SENP7: variants seen among roughly 807,000 people sequenced by gnomAD.
SENP7 encodes the protein sentrin-specific protease 7.
SENP7 carries 64 observed loss-of-function variants against 141.2 expected under a neutral mutation model. That is an observed-to-expected ratio of 0.45 (90% confidence interval 0.37 to 0.56). The LOEUF is 0.56. Ranked by LOEUF, SENP7 falls within the 20% of genes least tolerant of loss-of-function variation. The pLI is 0.00. For synonymous variants in SENP7, 382 were observed against 426.4 expected, an observed-to-expected ratio of 0.90 and a Z score of 1.28; for missense variants, 1,025 against 1,212.2, an observed-to-expected ratio of 0.85 and a Z score of 2.29.
intron 6 of SENP7, among the ~76,000 whole-genome samples, chr3:101,395,772 C>T (rs1214143943): frequency 2.6e-5 from 4 of 152,144 alleles, no homozygotes; most frequent in South Asian, 2.1e-4. Flanking sequence ...ATGGTGATGA[C>T]GATAAGTGGA....
intron 4 of SENP7, among the ~76,000 whole-genome samples, chr3:101,440,581 TAA>T (rs58673443): frequency 8.0e-6 from 1 of 124,898 alleles, no homozygotes. Context: ...AAAAATAAAT[TAA>T]AAAAAAAAAA....
intron 5 of SENP7, among the ~76,000 whole-genome samples, chr3:101,400,315 G>C (rs1056070138): frequency 1.3e-5 from 2 of 152,118 alleles, no homozygotes; most frequent in African/African-American, 2.4e-5. Context: ...GAAAGAGCCA[G>C]AGTACGAGCA....
chr3:101,405,096 T>G (rs1576242931), intron 5 of SENP7, among the ~76,000 whole-genome samples: 1 of 152,078 alleles, frequency 6.6e-6, no homozygotes, highest in Non-Finnish European at 1.5e-5. Context: ...GCTCGCATCG[T>G]GAATTTTTGC....
intron 5 of SENP7, among the ~76,000 whole-genome samples, chr3:101,408,029 A>T (rs183520016): frequency 2.2e-4 from 34 of 152,282 alleles, no homozygotes; most frequent in Admixed American, 2.2e-3. Context: ...TTGATAGACC[A>T]TTAGCAATAT....
intron 6 of SENP7, 23 bp downstream of exon 6, chr3:101,398,838 A>G (rs1277296459): frequency 4.8e-6 from 7 of 1,449,922 alleles, no homozygotes; most frequent in Non-Finnish European, 5.6e-6. Context: ...AATTATTTTG[A>G]GTAAAGTTAT....
intron 12 of SENP7, 59 bp from the exon 13 acceptor site, chr3:101,348,110 A>G: frequency 8.5e-7 from 1 of 1,176,268 alleles, no homozygotes; most frequent in Non-Finnish European, 1.2e-6. Flanking sequence ...TACACCACTT[A>G]AACATTATAT....
intron 12 of SENP7, among the ~76,000 whole-genome samples, chr3:101,350,261 T>G (rs2059579754): frequency 6.6e-6 from 1 of 152,148 alleles, no homozygotes; most frequent in Non-Finnish European, 1.5e-5. Flanking sequence ...TCTGGATTTC[T>G]TCTATGTGAA....
chr3:101,338,341 G>A (rs1468621508), intron 16 of SENP7, among the ~76,000 whole-genome samples: 3 of 152,134 alleles, frequency 2.0e-5, no homozygotes, highest in East Asian at 3.9e-4. Context: ...AAGTGAAATT[G>A]TGACACTGCT....
intron 1 of SENP7, among the ~76,000 whole-genome samples, chr3:101,503,656 G>C (rs1045114477): frequency 2.0e-5 from 3 of 152,184 alleles, no homozygotes; most frequent in African/African-American, 7.2e-5. Context: ...AGTTAAAACA[G>C]TGATGGGGGC....
At position 101,417,748 on chromosome 3, in the gene SENP7, T is replaced by C. The variant is rs1029171668; in HGVS notation, c.327A>G (p.Leu109=). 6 of 1,613,880 alleles carry C rather than the reference T, an allele frequency of 3.7e-6. No individual in the cohort carries two copies. The highest frequency in any genetic ancestry group is 3.3e-5 in the Admixed American group (2 of 60,006). Residue 109 remains leucine (L), a synonymous_variant, in exon 5 of 24, where the codon TTA becomes TTG. Transcript: ENST00000394095. ...GTAGGGTCTTTCTGAATTTTCGTCC[T>C]AAATCCGTCCATAGGACATTCGTCA... ...VMLTNVLWTD[L]GRKFRKTLPR... is the part of the protein sequence containing the mutation.
intron 1 of SENP7, 66 bp from the exon 2 acceptor site, chr3:101,501,185 A>G: frequency 9.4e-7 from 1 of 1,068,610 alleles, no homozygotes. Flanking sequence ...CAGTTTGACA[A>G]AGGAGATTCT....
At chr3:101,420,751 T>C (rs1038348199) in intron 4 of SENP7, among the ~76,000 whole-genome samples, 1 of 152,180 alleles carries the variant, frequency 6.6e-6, no homozygotes, top group African/African-American at 2.4e-5. Context: ...AAATGTAACC[T>C]GGACCTAATC....
At chr3:101,429,546 C>T (rs150056487) in intron 4 of SENP7, among the ~76,000 whole-genome samples, 2,094 of 152,100 alleles carry the variant, frequency 0.014, 48 homozygotes, top group African/African-American at 0.047. Context: ...TTTTGTATCC[C>T]GAGACTTTGC....
intron 4 of SENP7, among the ~76,000 whole-genome samples, chr3:101,436,581 A>C (rs1327328400): frequency 6.6e-6 from 1 of 152,202 alleles, no homozygotes; most frequent in Non-Finnish European, 1.5e-5. Context: ...TACAGGAAAC[A>C]ATCTAATAAT....
At chr3:101,413,841 T>C (rs2061524091) in intron 5 of SENP7, among the ~76,000 whole-genome samples, 2 of 151,796 alleles carry the variant, frequency 1.3e-5, no homozygotes, top group African/African-American at 2.4e-5. Context: ...ACATTGTGAA[T>C]ATGGAGGAAC....
chr3:101,439,256 C>T (rs1330495813), intron 4 of SENP7, among the ~76,000 whole-genome samples: 3 of 103,426 alleles, frequency 2.9e-5, no homozygotes, highest in African/African-American at 1.1e-4. Flanking sequence ...CGTCTCTGCC[C>T]GGCCGCCCCG....
chr3:101,447,915 A>G (rs893745634), intron 4 of SENP7, among the ~76,000 whole-genome samples: 1 of 152,260 alleles, frequency 6.6e-6, no homozygotes, highest in African/African-American at 2.4e-5. Context: ...TTGAGAATGC[A>G]GAAATAAACC....
At chr3:101,512,164 C>T (rs1394866626) in intron 1 of SENP7, among the ~76,000 whole-genome samples, 4 of 152,164 alleles carry the variant, frequency 2.6e-5, no homozygotes, top group Non-Finnish European at 4.4e-5. Flanking sequence ...ACCAACGGTA[C>T]CATCAGAAAC....
Position 101,493,885 on chromosome 3 carries a change from A to G in SENP7, c.174T>C (p.Thr58=). Residue 58 remains threonine (T), a synonymous_variant, in exon 3 of 24, where the codon ACT becomes ACC. Transcript: ENST00000394095. ...TTTTATTTACCACCTGCAAAGGGAG[A>G]GTCCAGCGTTCTGAGCTTCTGAATT... ...LSKFRSSERW[T]LPLQWERSLR... The G allele has an allele frequency of 1.3e-6, 2 of 1,588,972 alleles. No individual in the cohort carries two copies. The highest frequency in any genetic ancestry group is 1.7e-6 in the Non-Finnish European group (2 of 1,161,402).
Sources: allele counts gnomAD v4.1 joint callset (sites outside exome capture counted in the v4.1 genomes callset), GRCh38; gene constraint gnomAD v4.1.1; transcripts MANE v1.5; gene names NCBI Gene and HGNC (gene_info 2026-07-23, HGNC 2026-07-21).